Variants in ANO3 observed in about 807,000 individuals in gnomAD.
ANO3 encodes anoctamin 3.
In ANO3, 99 loss-of-function variants were observed where a neutral mutation model predicts 144.8. The ratio of observed to expected loss-of-function variants is 0.68; its 90% confidence interval spans 0.58 to 0.81. The LOEUF is 0.81. Among genes scored for constraint, ANO3 ranks in the 30% least tolerant of loss-of-function variants. The probability of loss-of-function intolerance (pLI) is 0.00; values close to 1 mark genes in which losing one functional copy is unlikely to be tolerated. For synonymous variants in ANO3, 414 were observed against 392.6 expected (o/e 1.05, Z -0.64); for missense variants, 905 against 1,202.2 (o/e 0.75, Z 3.66).
At chr11:26,519,978 T>C (rs1289448864) in intron 6 of ANO3, among the ~76,000 whole-genome samples, 1 of 151,318 alleles carries the variant, frequency 6.6e-6, no homozygotes, top group Non-Finnish European at 1.5e-5. Flanking sequence ...TTTACTAATT[T>C]AAAAAAAAAT....
chr11:26,417,872 C>T (rs185270855), intron 1 of ANO3, among the ~76,000 whole-genome samples: 1,753 of 151,968 alleles, frequency 0.012, 17 homozygotes, highest in Non-Finnish European at 0.018. Flanking sequence ...ATAGGGACAA[C>T]ATTATATTCT....
intron 1 of ANO3, among the ~76,000 whole-genome samples, chr11:26,192,158 A>G (rs1851491085): frequency 6.6e-6 from 1 of 152,228 alleles, no homozygotes; most frequent in South Asian, 2.1e-4. Context: ...ATCATCATTC[A>G]GGATAGTAAC....
intron 1 of ANO3, among the ~76,000 whole-genome samples, chr11:26,356,586 A>G (rs1855791872): frequency 6.6e-6 from 1 of 151,946 alleles, no homozygotes; most frequent in South Asian, 2.1e-4. Flanking sequence ...ATTATTTTTC[A>G]TTGTTGATTA....
At chr11:26,356,380 C>G (rs903933756) in intron 1 of ANO3, among the ~76,000 whole-genome samples, 3 of 152,092 alleles carry the variant, frequency 2.0e-5, no homozygotes, top group Admixed American at 2.0e-4. Flanking sequence ...TCTTTATGTA[C>G]CTTTATGCCT....
chr11:26,643,117 A>G, intron 22 of ANO3, 65 bp from the exon 23 acceptor site: 2 of 1,500,628 alleles, frequency 1.3e-6, no homozygotes, highest in South Asian at 2.4e-5. Context: ...AGCAATTTAT[A>G]TAAAGCACCA....
chr11:26,537,610 T>G, intron 10 of ANO3, 149 bp downstream of exon 10: 1 of 720,264 alleles, frequency 1.4e-6, no homozygotes, highest in Non-Finnish European at 2.5e-6. Flanking sequence ...ATTGTAATTT[T>G]GTGGCTGTGC....
At position 26,599,544 on chromosome 11, in the gene ANO3, T is replaced by C. The variant is rs778533682; in HGVS notation, c.1672-6T>C. 1 of 1,610,502 alleles carries C rather than the reference T, an allele frequency of 6.2e-7. No homozygotes were observed. The highest frequency in any genetic ancestry group is 8.5e-7 in the Non-Finnish European group (1 of 1,177,792). On this transcript the variant is annotated splice_polypyrimidine_tract_variant and splice_region_variant and intron_variant, in intron 16 of 26. Transcript: ENST00000256737. ...TGGATGTTTTTTCTGGTGTCCAATA[T>C]TGTAGATATCCTTGGTGATCACTGC... is the stretch of plus-strand genomic sequence containing the variant.
intron 14 of ANO3, among the ~76,000 whole-genome samples, chr11:26,574,511 G>A (rs1254162940): frequency 6.6e-6 from 1 of 151,926 alleles, no homozygotes; most frequent in Non-Finnish European, 1.5e-5. Flanking sequence ...TTCCCCATAG[G>A]GACATAGGTA....
intron 1 of ANO3, among the ~76,000 whole-genome samples, chr11:26,193,961 A>G (rs1257799630): frequency 6.6e-6 from 1 of 152,188 alleles, no homozygotes; most frequent in Non-Finnish European, 1.5e-5. Flanking sequence ...TCAGAAAGTT[A>G]AATGAATCAC....
intron 1 of ANO3, among the ~76,000 whole-genome samples, chr11:26,237,431 G>A (rs982235532): frequency 1.3e-5 from 2 of 151,438 alleles, no homozygotes; most frequent in Non-Finnish European, 2.9e-5. Flanking sequence ...TATTTTAATT[G>A]CACTTACTTT....
chr11:26,194,439 GGTGTGTGTGTGTGTGTGTGT>G (rs1161631402), intron 1 of ANO3, among the ~76,000 whole-genome samples: 5 of 60,584 alleles, frequency 8.3e-5, no homozygotes, highest in African/African-American at 2.0e-4. Flanking sequence ...GGTACATAGT[GGTGTGTGTGTGTGTGTGTGT>G]GTGTGTGTGT....
At chr11:26,366,129 T>G (rs192293329) in intron 1 of ANO3, among the ~76,000 whole-genome samples, 10 of 152,022 alleles carry the variant, frequency 6.6e-5, no homozygotes, top group Admixed American at 2.6e-4. Flanking sequence ...TATCTCCTAA[T>G]GCTATCCCTC....
intron 1 of ANO3, among the ~76,000 whole-genome samples, chr11:26,310,088 A>T (rs1420633254): frequency 6.6e-6 from 1 of 152,210 alleles, no homozygotes; most frequent in Non-Finnish European, 1.5e-5. Context: ...TGATATACAC[A>T]TACTTACATT....
intron 3 of ANO3, among the ~76,000 whole-genome samples, chr11:26,454,129 G>T (rs1859054599): frequency 6.6e-6 from 1 of 152,022 alleles, no homozygotes; most frequent in Non-Finnish European, 1.5e-5. Flanking sequence ...AAGCAGGAAA[G>T]ATCCAAAATT....
chr11:26,414,800 T>G (rs1857533118), intron 1 of ANO3, among the ~76,000 whole-genome samples: 1 of 151,462 alleles, frequency 6.6e-6, no homozygotes, highest in South Asian at 2.1e-4. Context: ...TCATATCCGG[T>G]GCTAGAGCAA....
intron 1 of ANO3, among the ~76,000 whole-genome samples, chr11:26,335,842 T>C (rs971108936): frequency 5.3e-5 from 8 of 152,212 alleles, no homozygotes; most frequent in Non-Finnish European, 1.0e-4. Context: ...AGGAAAATGT[T>C]GACGTTTTGT....
At chr11:26,552,613 A>G (rs9734458) in intron 12 of ANO3, among the ~76,000 whole-genome samples, 40,482 of 151,968 alleles carry the variant, frequency 0.27, 5,543 homozygotes, top group African/African-American at 0.31. Flanking sequence ...ATGCTGAGAA[A>G]TTTTCTTAAA....
In ANO3 at chr11:26,447,233, G is replaced by T. The variant is rs2029710; in HGVS notation, c.313+3397G>T. 6.6e-3 allele frequency among the ~76,000 whole-genome samples: 7 copies of T among 1,064 alleles called. No homozygotes were observed. In the South Asian group the frequency reaches 0.27, roughly 41 times the overall value. The allele number at this position is 1,064 out of a possible 152,430, so 0.7% of individuals were successfully genotyped here. ...AAAAAAAAAAAAAAAAAAAAAGGTG[G>T]GGGGGGGTACTTTTATGGCATAATG... On this transcript the variant is annotated intron_variant, in intron 3 of 26. Transcript: ENST00000256737.
upstream of ANO3, among the ~76,000 whole-genome samples, chr11:26,308,312 G>A (rs1854429946): frequency 1.3e-5 from 2 of 152,076 alleles, no homozygotes; most frequent in East Asian, 1.9e-4. Context: ...ATAAGGATTG[G>A]ATTAGATCGT....
Sources: allele counts gnomAD v4.1 joint callset (sites outside exome capture counted in the v4.1 genomes callset), GRCh38; gene constraint gnomAD v4.1.1; transcripts MANE v1.5; gene names NCBI Gene and HGNC (gene_info 2026-07-23, HGNC 2026-07-21).